RPS6KC1: variants seen among roughly 807,000 people sequenced by gnomAD.
The protein encoded by RPS6KC1 is inactive ribosomal protein S6 kinase delta-1.
Under a neutral mutation model 103.8 loss-of-function variants are expected in RPS6KC1, and 54 were observed. The ratio of observed to expected loss-of-function variants is 0.52; its 90% confidence interval spans 0.42 to 0.65. The LOEUF is 0.65. RPS6KC1 is among the 30% of genes least tolerant of loss of function. The pLI is 0.00. For synonymous variants in RPS6KC1, 439 were observed against 438.7 expected (o/e 1.00, Z -0.01); for missense variants, 1,151 against 1,253.8 (o/e 0.92, Z 1.24).
intron 8 of RPS6KC1, among the ~76,000 whole-genome samples, chr1:213,219,708 A>C (rs987168851): frequency 6.6e-6 from 1 of 152,180 alleles, no homozygotes; most frequent in Non-Finnish European, 1.5e-5. Flanking sequence ...TGTCCTTTGT[A>C]GGGACATGGA....
the RPS6KC1 span, among the ~76,000 whole-genome samples, chr1:213,393,008 A>C: frequency 2.6e-5 from 4 of 152,178 alleles, no homozygotes; most frequent in Admixed American, 6.5e-5. Flanking sequence ...TTATTTATTC[A>C]TGGCCATGAT....
In RPS6KC1 at chr1:213,176,484, A is replaced by G; in HGVS notation, c.1036A>G (p.Ile346Val). Residue 346 changes from isoleucine to valine, a missense_variant, in exon 8 of 15, where the codon ATT becomes GTT. Physicochemically the swap from Ile to Val is conservative, Grantham distance 29. Around this residue, in one of 3 missense-constraint regions of RPS6KC1, gnomAD observed 959 missense variants for 1,006.3 expected, o/e 0.95. Coordinates refer to ENST00000366960, the MANE Select transcript of RPS6KC1 (RefSeq NM_012424.6). ...GAAGGCCTTCAGAGTCCTTGGGGTG[A>G]TTGACAAGGTAATTCTTCAGTGTCT... Reference protein sequence around the residue: ...ELKAFRVLGVIDKVLLVMDTR... With the variant: ...ELKAFRVLGVVDKVLLVMDTR... The G allele has an allele frequency of 6.3e-7, 1 of 1,592,088 alleles. No homozygotes were observed. Among genetic ancestry groups the G allele is most frequent in the Non-Finnish European group, 8.6e-7 (1 of 1,163,356 alleles).
the RPS6KC1 span, among the ~76,000 whole-genome samples, chr1:213,676,613 A>G: frequency 1.3e-5 from 2 of 152,154 alleles, no homozygotes; most frequent in Non-Finnish European, 2.9e-5. Context: ...AGCTGTTCAC[A>G]TTGCACCAAG....
At chr1:213,687,638 A>G in the RPS6KC1 span, among the ~76,000 whole-genome samples, 1 of 152,210 alleles carries the variant, frequency 6.6e-6, no homozygotes, top group Non-Finnish European at 1.5e-5. Context: ...GGTTGGAGGA[A>G]TGAGAAATAT....
At position 213,272,766 on chromosome 1, in the gene RPS6KC1, G is replaced by C. The variant is rs1037997191; in HGVS notation, c.*132G>C. 7 of 639,278 alleles carry C rather than the reference G, an allele frequency of 1.1e-5. No homozygotes were observed. The highest frequency in any genetic ancestry group is 1.9e-5 in the Non-Finnish European group (7 of 359,120). 39.6% of individuals were successfully genotyped at this position (639,278 alleles called of 1,614,324 possible). ...GGATAAAGACCGTTATAGGAAATGGGGGGGAAATGGCTAAAAGAGAACAAT... is the reference window on the plus strand; with the variant it reads ...GGATAAAGACCGTTATAGGAAATGGCGGGGAAATGGCTAAAAGAGAACAAT... On this transcript the variant is annotated 3_prime_UTR_variant, in exon 15 of 15. Transcript: ENST00000366960.
the RPS6KC1 span, among the ~76,000 whole-genome samples, chr1:213,755,712 A>G: frequency 6.6e-6 from 1 of 152,214 alleles, no homozygotes; most frequent in African/African-American, 2.4e-5. Context: ...GCTCACTGAC[A>G]TGCACTTTCT....
chr1:213,777,550 T>C, the RPS6KC1 span, among the ~76,000 whole-genome samples: 12 of 152,188 alleles, frequency 7.9e-5, no homozygotes, highest in Non-Finnish European at 1.6e-4. Context: ...CAGATCACCA[T>C]AACAAATATA....
the RPS6KC1 span, among the ~76,000 whole-genome samples, chr1:213,370,140 GA>G: frequency 6.6e-6 from 1 of 152,184 alleles, no homozygotes; most frequent in Non-Finnish European, 1.5e-5. Context: ...AAAAGACAGG[GA>G]AAGAGCTCTT....
the RPS6KC1 span, among the ~76,000 whole-genome samples, chr1:213,363,678 CTTTCTTTCTTTCT>C: frequency 1.9e-5 from 2 of 104,522 alleles, no homozygotes; most frequent in East Asian, 2.1e-4. Context: ...TTCTTTCTTT[CTTTCTTTCTTTCT>C]TTCTTTCTTT....
At chr1:213,367,489 G>A in the RPS6KC1 span, among the ~76,000 whole-genome samples, 2 of 152,206 alleles carry the variant, frequency 1.3e-5, no homozygotes, top group Non-Finnish European at 2.9e-5. Flanking sequence ...TGATTGTGAC[G>A]TGAAATCAAC....
At chr1:213,325,544 G>A in the RPS6KC1 span, among the ~76,000 whole-genome samples, 2 of 152,218 alleles carry the variant, frequency 1.3e-5, no homozygotes, top group Admixed American at 1.3e-4. Flanking sequence ...TCCTTCTAGA[G>A]TTCTCTTTCT....
chr1:213,138,561 A>G (rs2086647009), intron 6 of RPS6KC1, among the ~76,000 whole-genome samples: 1 of 152,040 alleles, frequency 6.6e-6, no homozygotes, highest in Non-Finnish European at 1.5e-5. Context: ...TTCTGTGTCC[A>G]TGTGTACTGA....
the RPS6KC1 span, among the ~76,000 whole-genome samples, chr1:213,671,469 A>G: frequency 6.6e-6 from 1 of 152,196 alleles, no homozygotes. Flanking sequence ...TATGTTGGCT[A>G]CAGGTAAGAA....
chr1:213,432,590 G>A, the RPS6KC1 span, among the ~76,000 whole-genome samples: 1 of 152,084 alleles, frequency 6.6e-6, no homozygotes, highest in Non-Finnish European at 1.5e-5. Flanking sequence ...TCCCCCAAAA[G>A]CTTCCTTGTG....
chr1:213,737,926 G>T, the RPS6KC1 span, among the ~76,000 whole-genome samples: 1 of 152,192 alleles, frequency 6.6e-6, no homozygotes, highest in Admixed American at 6.5e-5. Context: ...GGAACAGTTT[G>T]ATTTGCTTCA....
chr1:213,394,716 G>A, the RPS6KC1 span, among the ~76,000 whole-genome samples: 1 of 152,166 alleles, frequency 6.6e-6, no homozygotes, highest in Non-Finnish European at 1.5e-5. Flanking sequence ...GGCTGTATTG[G>A]GGTGTTCGTG....
At chr1:213,533,263 G>A in the RPS6KC1 span, among the ~76,000 whole-genome samples, 1 of 152,168 alleles carries the variant, frequency 6.6e-6, no homozygotes, top group Non-Finnish European at 1.5e-5. Context: ...AGGATGCACT[G>A]ATGACTGACT....
At chr1:213,127,684 A>C (rs2085134200) in intron 5 of RPS6KC1, among the ~76,000 whole-genome samples, 1 of 152,212 alleles carries the variant, frequency 6.6e-6, no homozygotes, top group African/African-American at 2.4e-5. Flanking sequence ...CCAATCATAA[A>C]ATTGGAGTTT....
the RPS6KC1 span, among the ~76,000 whole-genome samples, chr1:213,662,525 GTC>G: frequency 6.7e-6 from 1 of 149,004 alleles, no homozygotes; most frequent in East Asian, 2.0e-4. Context: ...TGATCCACTC[GTC>G]TCAGCCTCCC....
Sources: allele counts gnomAD v4.1 joint callset (sites outside exome capture counted in the v4.1 genomes callset), GRCh38; gene constraint gnomAD v4.1.1; regional missense constraint gnomAD v4.1.1; transcripts MANE v1.5; gene names NCBI Gene and HGNC (gene_info 2026-07-23, HGNC 2026-07-21).